The following CACNA2D3 variants were observed in gnomAD, a reference collection of about 807,000 sequenced individuals.
CACNA2D3 encodes the protein voltage-dependent calcium channel subunit alpha-2/delta-3.
In CACNA2D3, 60 loss-of-function variants were observed where a neutral mutation model predicts 160.6. The ratio of observed to expected loss-of-function variants is 0.37; its 90% CI spans 0.30 to 0.46. The LOEUF is 0.46. Among genes scored for constraint, CACNA2D3 ranks in the 20% least tolerant of loss-of-function variants. The pLI is 1.00. For missense variants in CACNA2D3, 1,205 were observed against 1,365.0 expected (o/e 0.88, Z 1.85); for synonymous variants, 558 against 492.9 (o/e 1.13, Z -1.75).
chr3:54,259,408 C>T (rs1702363729), intron 2 of CACNA2D3, among the ~76,000 whole-genome samples: 1 of 152,096 alleles, frequency 6.6e-6, no homozygotes, highest in African/African-American at 2.4e-5. Flanking sequence ...TTTAGGTTTG[C>T]TTGTCTAAAC....
intron 9 of CACNA2D3, among the ~76,000 whole-genome samples, chr3:54,612,309 G>A (rs752125325): frequency 6.6e-6 from 1 of 152,170 alleles, no homozygotes; most frequent in Non-Finnish European, 1.5e-5. Context: ...ATTGACTGAG[G>A]AAACCCTCTC....
At chr3:54,377,443 T>G (rs35190745) in intron 3 of CACNA2D3, among the ~76,000 whole-genome samples, 25,600 of 152,162 alleles carry the variant, frequency 0.17, 2,228 homozygotes, top group African/African-American at 0.21. Context: ...AGGCAGTGAT[T>G]CTGGGAAGTT....
At chr3:54,179,599 T>A (rs1700743815) in intron 2 of CACNA2D3, among the ~76,000 whole-genome samples, 1 of 152,206 alleles carries the variant, frequency 6.6e-6, no homozygotes, top group African/African-American at 2.4e-5. Context: ...GAAGCTTAAT[T>A]CATATTTATA....
At chr3:54,786,975 A>T (rs928018751) in intron 13 of CACNA2D3, among the ~76,000 whole-genome samples, 2 of 152,222 alleles carry the variant, frequency 1.3e-5, no homozygotes, top group Non-Finnish European at 2.9e-5. Context: ...ACATGGAGAT[A>T]TGGAAGCCAT....
chr3:54,763,788 T>TACGTATATATACGTATATATATAC (rs374469206), intron 12 of CACNA2D3, among the ~76,000 whole-genome samples: 1 of 38,546 alleles, frequency 2.6e-5, no homozygotes, highest in Non-Finnish European at 5.1e-5. Flanking sequence ...TACATATATA[T>TACGTATATATACGTATATATATAC]GTATATATAT....
chr3:54,618,469 A>C (rs1698912794), intron 9 of CACNA2D3, among the ~76,000 whole-genome samples: 1 of 151,540 alleles, frequency 6.6e-6, no homozygotes, highest in African/African-American at 2.4e-5. Flanking sequence ...GAAGAAATTC[A>C]GACAATTAAG....
intron 4 of CACNA2D3, among the ~76,000 whole-genome samples, chr3:54,457,580 A>G (rs1032204366): frequency 2.6e-5 from 4 of 152,132 alleles, no homozygotes; most frequent in South Asian, 2.1e-4. Context: ...TGTTTGGTCT[A>G]TAACACAGCT....
At chr3:54,221,044 C>G (rs759563179) in intron 2 of CACNA2D3, among the ~76,000 whole-genome samples, 1 of 152,184 alleles carries the variant, frequency 6.6e-6, no homozygotes, top group African/African-American at 2.4e-5. Context: ...AACCAGCAGA[C>G]ATTTATCCTG....
chr3:54,434,024 C>T (rs1412170587), intron 4 of CACNA2D3, among the ~76,000 whole-genome samples: 1 of 152,176 alleles, frequency 6.6e-6, no homozygotes, highest in Non-Finnish European at 1.5e-5. Flanking sequence ...CTGATGGAAG[C>T]AGCAGCGCTC....
intron 5 of CACNA2D3, among the ~76,000 whole-genome samples, chr3:54,559,760 A>T (rs112625955): frequency 2.0e-5 from 3 of 152,180 alleles, no homozygotes; most frequent in Non-Finnish European, 4.4e-5. Flanking sequence ...CACCCTCTGA[A>T]AGGCCCCAGT....
At chr3:54,836,854 TAATAA>T (rs1698702035) in intron 14 of CACNA2D3, among the ~76,000 whole-genome samples, 1 of 152,182 alleles carries the variant, frequency 6.6e-6, no homozygotes, top group Non-Finnish European at 1.5e-5. Flanking sequence ...AAACCTGTGC[TAATAA>T]AATAAAATGA....
chr3:54,291,116 G>A (rs1160420616), intron 2 of CACNA2D3, among the ~76,000 whole-genome samples: 1 of 152,156 alleles, frequency 6.6e-6, no homozygotes, highest in East Asian at 1.9e-4. Context: ...ATCGTGGCAG[G>A]TTGCATACCA....
At position 54,883,821 on chromosome 3, in the gene CACNA2D3, CT is replaced by C. The variant is rs1295473645; in HGVS notation, c.1913-1459del. 8.6e-4 allele frequency among the ~76,000 whole-genome samples: 124 copies of C among 143,522 alleles called. 1 individual carries two copies. Among genetic ancestry groups the C allele is most frequent in the African/African-American group, 3.1e-3 (118 of 38,152 alleles). The allele number at this position is 143,522 out of a possible 152,430, so 94.2% of individuals were successfully genotyped here. On this transcript the variant is annotated intron_variant, in intron 21 of 37. Coordinates refer to ENST00000474759, the MANE Select transcript of CACNA2D3 (RefSeq NM_018398.3). ...GGAATCTCTCTCTCTCTCTCTCTCTCTCCTCTCTCTCCCTTCAACCCTCCTT... is the reference window on the plus strand; with the variant it reads ...GGAATCTCTCTCTCTCTCTCTCTCTCCCTCTCTCTCCCTTCAACCCTCCTT...
intron 27 of CACNA2D3, 128 bp from the exon 28 acceptor site, chr3:54,968,322 C>A: frequency 1.5e-6 from 1 of 648,666 alleles, no homozygotes; most frequent in Non-Finnish European, 2.8e-6. Context: ...TAGTTGTATG[C>A]TTCACTGTAC....
chr3:54,258,402 G>A (rs1702341164), intron 2 of CACNA2D3, among the ~76,000 whole-genome samples: 1 of 152,182 alleles, frequency 6.6e-6, no homozygotes. Context: ...AAAAGCTTGA[G>A]AAGACAAACA....
chr3:54,988,997 T>C (rs1198116989), intron 31 of CACNA2D3, among the ~76,000 whole-genome samples: 1 of 152,228 alleles, frequency 6.6e-6, no homozygotes, highest in Admixed American at 6.5e-5. Flanking sequence ...TTGAAAACTC[T>C]GCTTGGATCT....
intron 5 of CACNA2D3, among the ~76,000 whole-genome samples, chr3:54,509,564 G>A (rs1006811257): frequency 4.6e-5 from 7 of 152,128 alleles, no homozygotes; most frequent in Non-Finnish European, 1.0e-4. Flanking sequence ...TCTGGACCTA[G>A]AGAAATAACA....
At chr3:54,319,157 GACACACACACACACACACACACACACAC>G (rs58790730) in intron 2 of CACNA2D3, among the ~76,000 whole-genome samples, 1 of 138,878 alleles carries the variant, frequency 7.2e-6, no homozygotes, top group Non-Finnish European at 1.5e-5. Context: ...AGCATTTTGT[GACACACACACACACACACACACACACAC>G]ACACACACAC....
At chr3:54,844,038 G>T (rs1698878738) in intron 16 of CACNA2D3, among the ~76,000 whole-genome samples, 1 of 152,158 alleles carries the variant, frequency 6.6e-6, no homozygotes, top group Admixed American at 6.5e-5. Flanking sequence ...GGGAGCAGCA[G>T]CACAGAGGTG....
Sources: gnomAD v4.1 joint callset for allele counts (sites outside exome capture counted in the v4.1 genomes callset) on GRCh38, gnomAD v4.1.1 for gene constraint, MANE v1.5 for transcripts, NCBI Gene and HGNC (gene_info 2026-07-23, HGNC 2026-07-21) for gene names.